The following FGD5 variants were observed in gnomAD, a reference collection of about 807,000 sequenced individuals.
The protein encoded by FGD5 is FYVE, RhoGEF and PH domain containing 5.
FGD5 carries 28 observed loss-of-function variants against 133.4 expected under a neutral mutation model. The ratio of observed to expected loss-of-function variants is 0.21; its 90% confidence interval spans 0.16 to 0.29. The LOEUF (loss-of-function observed/expected upper bound fraction) is 0.29. Among genes scored for constraint, FGD5 ranks in the 10% least tolerant of loss-of-function variants. The pLI, the probability that FGD5 is intolerant of heterozygous loss-of-function variation, is 1.00. For missense variants in FGD5, 1,858 were observed against 1,895.2 expected (o/e 0.98, Z 0.36); for synonymous variants, 810 against 776.5 (o/e 1.04, Z -0.72).
intron 4 of FGD5, among the ~76,000 whole-genome samples, chr3:14,883,785 T>A (rs530619205): frequency 2.0e-5 from 3 of 152,162 alleles, no homozygotes; most frequent in Non-Finnish European, 2.9e-5. Flanking sequence ...TCCATGTAAG[T>A]ATAATTTGCA....
intron 18 of FGD5, chr3:14,931,414 C>T (rs1018264065): frequency 6.6e-6 from 1 of 152,176 alleles, no homozygotes; most frequent in Non-Finnish European, 1.5e-5. Context: ...GACTCAAATT[C>T]TTGGCCTCAA....
intron 4 of FGD5, among the ~76,000 whole-genome samples, chr3:14,892,083 G>A (rs1207331164): frequency 6.6e-6 from 1 of 152,094 alleles, no homozygotes; most frequent in East Asian, 1.9e-4. Flanking sequence ...GGGTAGAAAA[G>A]CCTCTGGCCT....
At position 14,864,083 on chromosome 3, in the gene FGD5, GC is replaced by G. The variant is rs747020209; in HGVS notation, c.2526-44del. ...CCCCTGGTAGGTTCACTTTGCCTAT[GC>G]TAAACAAAAAGCTTTAACCCTTCTT... On this transcript the variant is annotated intron_variant, in intron 1 of 19. Transcript: ENST00000285046. 8 of 1,594,026 alleles carry G rather than the reference GC, an allele frequency of 5.0e-6. No individual in the cohort carries two copies. The Admixed American group carries it at 1.0e-4, about 20-fold the overall frequency.
chr3:14,922,063 G>A lies in FGD5; in HGVS notation c.3669+46G>A, dbSNP rs1311398046. 9 of 1,537,958 alleles carry A rather than the reference G, an allele frequency of 5.9e-6. No homozygotes were observed. Among genetic ancestry groups the A allele is most frequent in the East Asian group, 2.4e-5 (1 of 40,876 alleles). On this transcript the variant is annotated intron_variant, in intron 14 of 19. Transcript: ENST00000285046. This position sits in a 1 kb window ranked among gnomAD's most constrained non-coding sequence, Gnocchi z 4.1. ...CACGGGCCACCAGCTTCAGAGACCT[G>A]GGGTTCCCTGGGCGGGCATTGCTGT...
intron 9 of FGD5, among the ~76,000 whole-genome samples, chr3:14,905,998 C>T (rs558760426): frequency 2.0e-3 from 307 of 152,192 alleles, no homozygotes; most frequent in Non-Finnish European, 4.0e-3. Context: ...GGCACCTGAT[C>T]TGGGTTTGGG....
chr3:14,914,719 CT>C (rs1299616376), intron 11 of FGD5, among the ~76,000 whole-genome samples: 15 of 152,346 alleles, frequency 9.8e-5, no homozygotes, highest in African/African-American at 3.6e-4. Context: ...AGCCATACCC[CT>C]GGCTCCACTA....
intron 17 of FGD5, among the ~76,000 whole-genome samples, chr3:14,925,753 C>A (rs773429020): frequency 1.3e-5 from 2 of 152,186 alleles, no homozygotes; most frequent in African/African-American, 4.8e-5. Flanking sequence ...GAAGGAAGAA[C>A]CTTTCGCCGA....
intron 1 of FGD5, among the ~76,000 whole-genome samples, chr3:14,844,243 T>C (rs1229063237): frequency 2.5e-4 from 12 of 47,218 alleles, no homozygotes; most frequent in African/African-American, 1.1e-3. Flanking sequence ...TATATATATA[T>C]ATATATATAT....
At chr3:14,832,046 AAGAG>A (rs2036719172) in intron 1 of FGD5, among the ~76,000 whole-genome samples, 1 of 152,114 alleles carries the variant, frequency 6.6e-6, no homozygotes, top group Admixed American at 6.5e-5. Flanking sequence ...GCACAGCAAA[AAGAG>A]AGAATGAGCT....
At chr3:14,906,427 C>T (rs2038342819) in intron 9 of FGD5, among the ~76,000 whole-genome samples, 1 of 152,264 alleles carries the variant, frequency 6.6e-6, no homozygotes, top group African/African-American at 2.4e-5. Flanking sequence ...GCTTTCCTCT[C>T]TTTCCCTAGA....
rs770097669 is a variant in FGD5 at position 14,907,679 on chromosome 3, C to A, written c.3304C>A (p.Arg1102=). The A allele has an allele frequency of 6.2e-7, 1 of 1,613,636 alleles. No individual in the cohort carries two copies. Among genetic ancestry groups the A allele is most frequent in the Non-Finnish European group, 8.5e-7 (1 of 1,179,732 alleles). ...GCTGGTCCACATTGAGCACAGCGTC[C>A]GGGGCCAAGGGGATCTCCTCCAGCC... is the stretch of plus-strand genomic sequence containing the variant. ...QKLVHIEHSV[R]GQGDLLQPGR... The change falls in exon 10 of 20, where the codon CGG becomes AGG. Residue 1102 remains arginine (R), a synonymous_variant. Transcript: ENST00000285046.
chr3:14,854,433 A>ATTTT (rs2037235575), intron 1 of FGD5, among the ~76,000 whole-genome samples: 1 of 87,584 alleles, frequency 1.1e-5, no homozygotes, highest in South Asian at 2.9e-4. Flanking sequence ...TTATTTATTT[A>ATTTT]TTGAGACGAG....
At position 14,864,141 on chromosome 3, in the gene FGD5, C is replaced by G. The variant is rs560151938; in HGVS notation, c.2539C>G (p.Pro847Ala). Residue 847 changes from proline to alanine, a missense_variant, in exon 2 of 20, where the codon CCC (proline) becomes GCC (alanine). Coordinates refer to ENST00000285046, the MANE Select transcript of FGD5 (RefSeq NM_152536.4). Reference protein sequence around the residue: ...DQDAESAYTEPYKVCPISSAA... With the variant: ...DQDAESAYTEAYKVCPISSAA... The stretch of plus-strand genomic sequence containing the variant: ...GCTTTGACCCAGCGCCTACACAGAG[C>G]CCTACAAAGTCTGTCCCATCTCGTC... 1 of 1,613,934 alleles carries G rather than the reference C, an allele frequency of 6.2e-7. No individual in the cohort carries two copies. The highest frequency in any genetic ancestry group is 1.1e-5 in the South Asian group (1 of 91,080).
Position 14,917,248 on chromosome 3 carries a change from G to A in FGD5, c.3406-1G>A. ...CTCTCATAGGGTTTCCCTCTCTCCAGATGAACGATGTGCTCCTGTACACCT... is the reference window on the plus strand; with the variant it reads ...CTCTCATAGGGTTTCCCTCTCTCCAAATGAACGATGTGCTCCTGTACACCT... On this transcript the variant is annotated splice_acceptor_variant, in intron 11 of 19. Coordinates refer to ENST00000285046, the MANE Select transcript of FGD5 (RefSeq NM_152536.4). LOFTEE classifies it high-confidence loss of function. This position sits in a 1 kb window ranked among gnomAD's most constrained non-coding sequence, Gnocchi z 4.1. The A allele has an allele frequency of 6.2e-7, 1 of 1,613,132 alleles. No homozygotes were observed. Among genetic ancestry groups the A allele is most frequent in the South Asian group, 1.1e-5 (1 of 90,782 alleles).
chr3:14,891,201 G>A (rs2038020018), intron 4 of FGD5, among the ~76,000 whole-genome samples: 1 of 152,102 alleles, frequency 6.6e-6, no homozygotes, highest in Non-Finnish European at 1.5e-5. Context: ...GAAAGAGTTG[G>A]GAGTCCTCCT....
intron 1 of FGD5, among the ~76,000 whole-genome samples, chr3:14,850,594 C>T (rs752198679): frequency 1.3e-4 from 20 of 152,126 alleles, no homozygotes; most frequent in Non-Finnish European, 2.2e-4. Flanking sequence ...AGTCATTTGT[C>T]GGGCACCTAC....
Position 14,917,134 on chromosome 3 carries a change from T to G in FGD5, c.3406-115T>G. 2.3e-6 allele frequency: 2 copies of G among 851,584 alleles called. No homozygotes were observed. The highest frequency in any genetic ancestry group is 1.8e-6 in the Non-Finnish European group (1 of 556,000). 52.8% of individuals were successfully genotyped at this position (851,584 alleles called of 1,614,324 possible). ...CAACGTTTTTGCTCACCTGTGGGGG[T>G]TACTGAGGAATACAAGATGCCTGTG... On this transcript the variant is annotated intron_variant, in intron 11 of 19. Coordinates refer to ENST00000285046, the MANE Select transcript of FGD5 (RefSeq NM_152536.4). The surrounding 1 kb of genome is among the most constrained non-coding windows in gnomAD (Gnocchi z 4.1).
At chr3:14,858,511 T>G (rs2037333960) in intron 1 of FGD5, among the ~76,000 whole-genome samples, 1 of 152,206 alleles carries the variant, frequency 6.6e-6, no homozygotes, top group Admixed American at 6.5e-5. Flanking sequence ...AGATAACACC[T>G]CATCCAGTTA....
intron 11 of FGD5, among the ~76,000 whole-genome samples, chr3:14,912,432 G>T (rs1025904794): frequency 6.6e-6 from 1 of 152,214 alleles, no homozygotes; most frequent in African/African-American, 2.4e-5. Context: ...TGGACCCCAG[G>T]GGGGATTTTG....
Sources: gnomAD v4.1 joint callset for allele counts (sites outside exome capture counted in the v4.1 genomes callset) on GRCh38, gnomAD v4.1.1 for gene constraint, Gnocchi (gnomAD v3.1) non-coding constraint, MANE v1.5 for transcripts, NCBI Gene and HGNC (gene_info 2026-07-23, HGNC 2026-07-21) for gene names.